MAP2: variants seen among roughly 807,000 people sequenced by gnomAD.
MAP2 encodes the protein microtubule-associated protein 2.
A neutral mutation model predicts 137.6 loss-of-function variants in MAP2; 14 were observed. That is an observed-to-expected ratio of 0.10 (90% CI 0.07 to 0.16). The LOEUF is 0.16. MAP2 is among the 10% of genes least tolerant of loss of function. The probability of loss-of-function intolerance (pLI) is 1.00; values close to 1 mark genes in which losing one functional copy is unlikely to be tolerated. For missense variants in MAP2, 2,088 were observed against 2,191.5 expected (o/e 0.95, Z 0.94); for synonymous variants, 786 against 782.3 (o/e 1.00, Z -0.08).
chr2:209,645,155 C>T (rs1353360265), intron 4 of MAP2, among the ~76,000 whole-genome samples: 1 of 152,160 alleles, frequency 6.6e-6, no homozygotes, highest in Non-Finnish European at 1.5e-5. Flanking sequence ...AAACAAAATG[C>T]AGGAAACATC....
chr2:209,653,135 C>CT lies in MAP2; in HGVS notation c.-29-4dup. ...CAAAGTAATAGCTACTATTTTTTCT[C>CT]TTTCAGTTGCAGGAGAAATAACAAG... On this transcript the variant is annotated splice_polypyrimidine_tract_variant and splice_region_variant and intron_variant, in intron 4 of 15. Transcript: ENST00000682079. 2.6e-6 allele frequency: 4 copies of CT among 1,539,238 alleles called. No homozygotes were observed. Among genetic ancestry groups the CT allele is most frequent in the Non-Finnish European group, 3.5e-6 (4 of 1,145,304 alleles).
chr2:209,474,656 A>G (rs1706715210), intron 1 of MAP2, among the ~76,000 whole-genome samples: 1 of 152,100 alleles, frequency 6.6e-6, no homozygotes, highest in East Asian at 1.9e-4. Flanking sequence ...AACTGTTCGT[A>G]TAAGTAACAA....
rs183424066 is a variant in MAP2 at position 209,459,425 on chromosome 2, C to T, written c.-222+35149C>T. 1.1e-3 allele frequency among the ~76,000 whole-genome samples: 168 copies of T among 152,264 alleles called. 1 individual carries two copies. The highest frequency in any genetic ancestry group is 3.7e-3 in the African/African-American group (153 of 41,558). ...TACTTTTTCTCCATAACTGGGACCACTAGATACCCCCTTAAAATCTACCCC... is the reference window on the plus strand; with the variant it reads ...TACTTTTTCTCCATAACTGGGACCATTAGATACCCCCTTAAAATCTACCCC... On this transcript the variant is annotated intron_variant, in intron 1 of 15. Transcript: ENST00000682079.
chr2:209,631,408 C>T lies in MAP2; in HGVS notation c.-30+6279C>T, dbSNP rs191595197. Among the ~76,000 whole-genome samples the T allele has an allele frequency of 4.2e-3, 635 of 152,110 alleles. 11 individuals are homozygous for T. Among genetic ancestry groups the T allele is most frequent in the Admixed American group, 0.02 (302 of 15,254 alleles). The stretch of plus-strand genomic sequence containing the variant: ...AACCTCAGTCCTATGGTCATTGAAA[C>T]GAATTTTAATTTGAGGATACAGTGT... On this transcript the variant is annotated intron_variant, in intron 4 of 15. Transcript: ENST00000682079.
intron 3 of MAP2, among the ~76,000 whole-genome samples, chr2:209,592,913 A>T (rs993155130): frequency 7.9e-5 from 12 of 152,166 alleles, no homozygotes; most frequent in African/African-American, 2.9e-4. Context: ...TCCAGAACCT[A>T]TAATGTCTCC....
At chr2:209,508,513 C>T (rs1238700908) in intron 2 of MAP2, among the ~76,000 whole-genome samples, 3 of 151,368 alleles carry the variant, frequency 2.0e-5, no homozygotes, top group Non-Finnish European at 4.4e-5. Flanking sequence ...AAATATGTAC[C>T]TTTTCTGACC....
chr2:209,710,223 A>G lies in MAP2; in HGVS notation c.5042A>G (p.Asp1681Gly). 1 of 1,593,454 alleles carries G rather than the reference A, an allele frequency of 6.3e-7. No homozygotes were observed. Among genetic ancestry groups the G allele is most frequent in the Non-Finnish European group, 8.6e-7 (1 of 1,168,950 alleles). The change falls in exon 13 of 16, where the codon GAC becomes GGC. Residue 1681 changes from aspartate (D) to glycine (G), a missense_variant. By Grantham distance (94) the Asp-to-Gly change is moderately conservative. Around this residue, in one of 6 missense-constraint regions of MAP2, gnomAD observed 112 missense variants for 201.0 expected, o/e 0.56. Coordinates refer to ENST00000682079, the MANE Select transcript of MAP2 (RefSeq NM_001375505.1). Reference protein sequence around the residue: ...KNVKSKIGSTDNIKYQPKGGQ... With the variant: ...KNVKSKIGSTGNIKYQPKGGQ... ...GTCAAATCCAAAATCGGATCAACAG[A>G]CAACATCAAATACCAGCCTAAAGGG... is the stretch of plus-strand genomic sequence containing the variant.
chr2:209,651,992 T>C (rs2094834401), intron 4 of MAP2, among the ~76,000 whole-genome samples: 1 of 152,186 alleles, frequency 6.6e-6, no homozygotes, highest in Admixed American at 6.5e-5. Context: ...TTGCTTGAGA[T>C]ACTTTTTTGG....
intron 1 of MAP2, among the ~76,000 whole-genome samples, chr2:209,434,990 T>C (rs1008870725): frequency 2.7e-5 from 4 of 147,098 alleles, no homozygotes; most frequent in African/African-American, 4.9e-5. Context: ...AAATATATTT[T>C]AAATTCTGAA....
At chr2:209,592,184 A>G (rs190452248) in intron 3 of MAP2, among the ~76,000 whole-genome samples, 1 of 152,260 alleles carries the variant, frequency 6.6e-6, no homozygotes, top group Admixed American at 6.5e-5. Context: ...GGGTCATCTA[A>G]TCACCATCAC....
chr2:209,511,461 A>G (rs2061708818), intron 2 of MAP2, among the ~76,000 whole-genome samples: 1 of 152,166 alleles, frequency 6.6e-6, no homozygotes, highest in Non-Finnish European at 1.5e-5. Flanking sequence ...TGCCTTTGCA[A>G]TTGCACTTGA....
chr2:209,663,066 T>C (rs746884812), intron 5 of MAP2, among the ~76,000 whole-genome samples: 1 of 152,044 alleles, frequency 6.6e-6, no homozygotes, highest in Non-Finnish European at 1.5e-5. Flanking sequence ...TAGAATTGGG[T>C]TTGATTTTAT....
At chr2:209,627,502 G>A (rs545233701) in intron 4 of MAP2, among the ~76,000 whole-genome samples, 2 of 152,044 alleles carry the variant, frequency 1.3e-5, no homozygotes, top group Non-Finnish European at 2.9e-5. Flanking sequence ...ATTTTGCATA[G>A]GAGGCAAATA....
chr2:209,468,370 GAGTGC>G (rs1013312336), intron 1 of MAP2, among the ~76,000 whole-genome samples: 7 of 135,900 alleles, frequency 5.2e-5, no homozygotes, highest in African/African-American at 1.9e-4. Context: ...ACCCAGGCTG[GAGTGC>G]AGTGGTGCGA....
At chr2:209,559,787 T>G (rs2071579592) in intron 2 of MAP2, among the ~76,000 whole-genome samples, 1 of 152,090 alleles carries the variant, frequency 6.6e-6, no homozygotes, top group Admixed American at 6.6e-5. Context: ...CCAGAGACTC[T>G]TTGTATTTTC....
chr2:209,436,030 A>ATACAGTATATTT, intron 1 of MAP2, among the ~76,000 whole-genome samples: 1 of 137,330 alleles, frequency 7.3e-6, no homozygotes. Flanking sequence ...TATAAAATAT[A>ATACAGTATATTT]TATATATGTA....
chr2:209,708,151 T>C (rs879322665), intron 12 of MAP2, among the ~76,000 whole-genome samples: 7 of 152,148 alleles, frequency 4.6e-5, no homozygotes, highest in Non-Finnish European at 8.8e-5. Context: ...CTGGAGAAAG[T>C]ATTCAGACAG....
intron 2 of MAP2, among the ~76,000 whole-genome samples, chr2:209,526,552 G>A (rs559501687): frequency 2.2e-4 from 32 of 148,450 alleles, no homozygotes; most frequent in African/African-American, 6.3e-4. Flanking sequence ...GGTAAAATAC[G>A]TGAGTATTTG....
chr2:209,651,604 ATAGT>A lies in MAP2; in HGVS notation c.-29-1533_-29-1530del, dbSNP rs1559485078. Among the ~76,000 whole-genome samples the A allele has an allele frequency of 2.6e-5, 4 of 152,148 alleles. No individual in the cohort carries two copies. In the South Asian group the frequency reaches 6.2e-4, roughly 24 times the overall value. On this transcript the variant is annotated intron_variant, in intron 4 of 15. Transcript: ENST00000682079. The stretch of plus-strand genomic sequence containing the variant: ...CTCCTGTGCACACAATTCTTTTCAC[ATAGT>A]TAGTGAGGTAGCGATACTCCCTGAT...
Sources: gnomAD v4.1 joint callset for allele counts (sites outside exome capture counted in the v4.1 genomes callset) on GRCh38, gnomAD v4.1.1 for gene constraint, gnomAD v4.1.1 regional missense constraint, MANE v1.5 for transcripts, NCBI Gene and HGNC (gene_info 2026-07-23, HGNC 2026-07-21) for gene names.